INSR: variants seen among roughly 807,000 people sequenced by gnomAD.
INSR encodes the protein insulin receptor.
A neutral mutation model predicts 142.6 loss-of-function variants in INSR; 67 were observed. That is an observed-to-expected ratio of 0.47 (90% CI 0.39 to 0.58). The LOEUF is 0.58. INSR is among the 20% of genes least tolerant of loss of function. INSR has a pLI of 0.00. For synonymous variants in INSR, 756 were observed against 743.1 expected, an observed-to-expected ratio of 1.02 and a Z score of -0.28; for missense variants, 1,248 against 1,833.2, an observed-to-expected ratio of 0.68 and a Z score of 5.83.
intron 2 of INSR, among the ~76,000 whole-genome samples, chr19:7,256,912 G>T (rs1054632921): frequency 7.1e-6 from 1 of 141,344 alleles, no homozygotes; most frequent in Non-Finnish European, 1.5e-5. Context: ...CATCATTCAC[G>T]TTACATGCTC....
rs1973113140 is a variant in INSR at position 7,143,110 on chromosome 19, T to C, written c.2268-20A>G. 3 of 1,613,858 alleles carry C rather than the reference T, an allele frequency of 1.9e-6. No homozygotes were observed. The highest frequency in any genetic ancestry group is 2.5e-6 in the Non-Finnish European group (3 of 1,179,898). On this transcript the variant is annotated intron_variant, in intron 11 of 21. Coordinates refer to ENST00000302850, the MANE Select transcript of INSR (RefSeq NM_000208.4). The stretch of plus-strand genomic sequence containing the variant: ...GATGGCCTGGAACGACAGTAGGACA[T>C]GTATGATGACACCATCACCATCATT...
chr19:7,246,559 G>A (rs1406010913), intron 2 of INSR, among the ~76,000 whole-genome samples: 1 of 152,186 alleles, frequency 6.6e-6, no homozygotes, highest in African/African-American at 2.4e-5. Flanking sequence ...AACTTGCCCA[G>A]CGACCCAAAG....
chr19:7,251,433 T>G (rs1976725162), intron 2 of INSR, among the ~76,000 whole-genome samples: 1 of 151,842 alleles, frequency 6.6e-6, no homozygotes, highest in Admixed American at 6.6e-5. Context: ...ATTTTTTATT[T>G]TATTTTTAGT....
chr19:7,264,039 C>T (rs1424226611), intron 2 of INSR, among the ~76,000 whole-genome samples: 1 of 152,086 alleles, frequency 6.6e-6, no homozygotes. Context: ...TGTGGTGGCG[C>T]ATGCCTGTAA....
intron 19 of INSR, 24 bp from the exon 20 acceptor site, chr19:7,120,773 G>T: frequency 1.9e-6 from 3 of 1,612,166 alleles, no homozygotes; most frequent in Non-Finnish European, 2.5e-6. Flanking sequence ...AGGTTCACAC[G>T]CTCTTAACCT....
At chr19:7,250,441 G>GA (rs748131480) in intron 2 of INSR, among the ~76,000 whole-genome samples, 18 of 73,826 alleles carry the variant, frequency 2.4e-4, no homozygotes, top group Non-Finnish European at 4.8e-4. Context: ...AAGAAGAAAA[G>GA]AAAGAAGAAA....
rs554509412 is a variant in INSR at position 7,197,815 on chromosome 19, A to C, written c.653-13178T>G. The stretch of plus-strand genomic sequence containing the variant: ...ATTGGTCGGTTCCAGAGTGGGAGAG[A>C]GAGCGAGAGAGAGAGAGAACGAGAG... On this transcript the variant is annotated intron_variant, in intron 2 of 21. Coordinates refer to ENST00000302850, the MANE Select transcript of INSR (RefSeq NM_000208.4). Among the ~76,000 whole-genome samples the C allele has an allele frequency of 1.3e-3, 120 of 95,620 alleles. 10 individuals are homozygous for C. Among genetic ancestry groups the C allele is most frequent in the African/African-American group, 5.2e-3 (108 of 20,628 alleles). The allele number at this position is 95,620 out of a possible 152,430, so 62.7% of individuals were successfully genotyped here. A position where few individuals can be genotyped will look rare whatever the true frequency, so the allele number is the denominator to read the frequency against.
chr19:7,233,022 G>A lies in INSR; in HGVS notation c.652+34323C>T, dbSNP rs919185517. Among the ~76,000 whole-genome samples the A allele has an allele frequency of 5.9e-5, 9 of 152,176 alleles. No individual in the cohort carries two copies. In the East Asian group the frequency reaches 1.6e-3, roughly 26 times the overall value. ...TGATTTTTTGAGACAGTCTCCCTCT[G>A]TCACCCAGGCTAAAGTGCAGTGGCG... On this transcript the variant is annotated intron_variant, in intron 2 of 21. Transcript: ENST00000302850.
chr19:7,283,904 T>C (rs1968273523), intron 1 of INSR, among the ~76,000 whole-genome samples: 1 of 152,190 alleles, frequency 6.6e-6, no homozygotes, highest in Non-Finnish European at 1.5e-5. Context: ...GATCAATACC[T>C]AGCCTTGTTT....
chr19:7,173,117 A>G (rs1974057147), intron 4 of INSR, among the ~76,000 whole-genome samples: 2 of 152,124 alleles, frequency 1.3e-5, no homozygotes. Flanking sequence ...TTTATAGGGA[A>G]AAGTTGCCCA....
At chr19:7,200,522 T>C (rs115861878) in intron 2 of INSR, among the ~76,000 whole-genome samples, 241 of 151,682 alleles carry the variant, frequency 1.6e-3, no homozygotes, top group African/African-American at 5.6e-3. Flanking sequence ...AGACCTTATC[T>C]CTTTAAAAAA....
At chr19:7,126,367 C>A (rs892167488) in intron 16 of INSR, among the ~76,000 whole-genome samples, 3 of 152,226 alleles carry the variant, frequency 2.0e-5, no homozygotes, top group Admixed American at 2.0e-4. Flanking sequence ...CCCAGACCGG[C>A]TAGATGAGCC....
chr19:7,247,701 G>A (rs1976578524), intron 2 of INSR, among the ~76,000 whole-genome samples: 1 of 152,146 alleles, frequency 6.6e-6, no homozygotes, highest in African/African-American at 2.4e-5. Flanking sequence ...ATTCAGAAAA[G>A]CTAGACAATT....
At position 7,273,518 on chromosome 19, in the gene INSR, T is replaced by C. The variant is rs566046794; in HGVS notation, c.101-5622A>G. On this transcript the variant is annotated intron_variant, in intron 1 of 21. Transcript: ENST00000302850. ...ACAGCTAATATTTTCTTTTTTCTTT[T>C]TTTTTTTTTCTTTAATTGAGACTTG... Among the ~76,000 whole-genome samples, 12 of 151,928 alleles carry C rather than the reference T, an allele frequency of 7.9e-5. No individual in the cohort carries two copies. In the East Asian group the frequency reaches 2.1e-3, roughly 27 times the overall value.
In INSR at chr19:7,250,432, AGAAGAAAAGAAAGAAGAAAGAAAAG is replaced by A. The variant is rs1214994595; in HGVS notation, c.652+16888_652+16912del. 6.7e-5 allele frequency among the ~76,000 whole-genome samples: 8 copies of A among 119,058 alleles called. 1 individual carries two copies. The East Asian group carries it at 7.3e-4, about 11-fold the overall frequency. The allele number at this position is 119,058 out of a possible 152,430, so 78.1% of individuals were successfully genotyped here. A position where few individuals can be genotyped will look rare whatever the true frequency, so the allele number is the denominator to read the frequency against. On this transcript the variant is annotated intron_variant, in intron 2 of 21. Coordinates refer to ENST00000302850, the MANE Select transcript of INSR (RefSeq NM_000208.4). Reference sequence around the variant, plus strand: ...GAAATAAAAAGAAAGCAAGGAAGAAAGAAGAAAAGAAAGAAGAAAGAAAAGGAAGAAAAGAAAGAAAGAAAAGAAA... The same window carrying A: ...GAAATAAAAAGAAAGCAAGGAAGAAAGAAGAAAAGAAAGAAAGAAAAGAAA...
intron 9 of INSR, among the ~76,000 whole-genome samples, chr19:7,160,493 G>A (rs940122788): frequency 2.0e-5 from 3 of 151,918 alleles, no homozygotes; most frequent in African/African-American, 4.8e-5. Context: ...TCTCAGGCCT[G>A]TAGTCCTGTG....
At chr19:7,249,466 CG>C (rs1159984571) in intron 2 of INSR, among the ~76,000 whole-genome samples, 1 of 152,236 alleles carries the variant, frequency 6.6e-6, no homozygotes, top group South Asian at 2.1e-4. Context: ...AAGGGAGGCC[CG>C]TCGGCACCGT....
At chr19:7,197,534 T>TGTGTGTCAGGTTCCAGAGTGGGA in intron 2 of INSR, among the ~76,000 whole-genome samples, 1 of 144,950 alleles carries the variant, frequency 6.9e-6, no homozygotes, top group African/African-American at 2.6e-5. Context: ...TGTGTGTGTG[T>TGTGTGTCAGGTTCCAGAGTGGGA]GTGTGTGTGT....
intron 2 of INSR, among the ~76,000 whole-genome samples, chr19:7,196,107 G>C (rs906375949): frequency 6.6e-6 from 1 of 150,890 alleles, no homozygotes; most frequent in Non-Finnish European, 1.5e-5. Flanking sequence ...GGCTAATTTT[G>C]TATTTTTAGT....
Sources: gnomAD v4.1 joint callset for allele counts (sites outside exome capture counted in the v4.1 genomes callset) on GRCh38, gnomAD v4.1.1 for gene constraint, MANE v1.5 for transcripts, NCBI Gene and HGNC (gene_info 2026-07-23, HGNC 2026-07-21) for gene names.